Variants in TRIO observed in about 807,000 individuals in gnomAD.
TRIO encodes triple functional domain protein.
TRIO carries 58 observed loss-of-function variants against 351.9 expected under a neutral mutation model. The ratio of observed to expected loss-of-function variants is 0.16; its 90% confidence interval spans 0.13 to 0.21. The LOEUF is 0.21. Among genes scored for constraint, TRIO ranks in the 10% least tolerant of loss-of-function variants. The pLI, the probability that TRIO is intolerant of heterozygous loss-of-function variation, is 1.00. For missense variants in TRIO, 3,201 were observed against 4,027.8 expected (o/e 0.79, Z 5.56); for synonymous variants, 1,758 against 1,595.7 (o/e 1.10, Z -2.42).
rs548353959 is a variant in TRIO, at chr5:14,374,931, A to G, written c.3331+588A>G. Among the ~76,000 whole-genome samples the G allele has an allele frequency of 5.3e-5, 8 of 152,292 alleles. No homozygotes were observed. The South Asian group carries it at 1.5e-3, about 28-fold the overall frequency. ...TAGGATTGATGTGGAAGGAAAATGG[A>G]TAAAGAAACTAAGGCACAAAGCAAG... On this transcript the variant is annotated intron_variant, in intron 19 of 56. Coordinates refer to ENST00000344204, the MANE Select transcript of TRIO (RefSeq NM_007118.4).
At chr5:14,455,412 A>G (rs1753208924) in intron 34 of TRIO, among the ~76,000 whole-genome samples, 1 of 151,994 alleles carries the variant, frequency 6.6e-6, no homozygotes, top group South Asian at 2.1e-4. Context: ...TCCCCACTAG[A>G]TTAACTAGAC....
intron 55 of TRIO, among the ~76,000 whole-genome samples, chr5:14,506,525 A>T (rs1757698373): frequency 1.3e-5 from 2 of 152,212 alleles, no homozygotes; most frequent in African/African-American, 4.8e-5. Flanking sequence ...AAATGGGTAC[A>T]CTAAGGCCCA....
Position 14,405,853 on chromosome 5 carries a change from C to T in TRIO, c.4722C>T (p.Ser1574=), listed in dbSNP as rs375014472. The T allele has an allele frequency of 6.2e-7, 1 of 1,613,754 alleles. No homozygotes were observed. The highest frequency in any genetic ancestry group is 8.5e-7 in the Non-Finnish European group (1 of 1,179,868). ...TSDNKIVLKA[S]SIENKQDWIK... Reference sequence around the variant, plus strand: ...AACGCTAACACCTTGTTAAGGCTTCCAGCATAGAGAACAAGCAGGACTGGA... The same window carrying T: ...AACGCTAACACCTTGTTAAGGCTTCTAGCATAGAGAACAAGCAGGACTGGA... The change falls in exon 32 of 57, where the codon TCC becomes TCT. Residue 1574 remains serine, a synonymous_variant. Coordinates refer to ENST00000344204, the MANE Select transcript of TRIO (RefSeq NM_007118.4).
intron 8 of TRIO, among the ~76,000 whole-genome samples, chr5:14,316,209 T>C (rs1208937273): frequency 6.6e-6 from 1 of 152,242 alleles, no homozygotes; most frequent in Non-Finnish European, 1.5e-5. Flanking sequence ...TGCCTATTCA[T>C]TGAGTGGTAT....
At chr5:14,167,460 A>C (rs1333023632) in intron 1 of TRIO, among the ~76,000 whole-genome samples, 1 of 152,162 alleles carries the variant, frequency 6.6e-6, no homozygotes, top group Non-Finnish European at 1.5e-5. Flanking sequence ...AGGCCAACCC[A>C]GTTTTTCATA....
chr5:14,259,966 A>G (rs143027526), intron 1 of TRIO, among the ~76,000 whole-genome samples: 1 of 152,332 alleles, frequency 6.6e-6, no homozygotes, highest in East Asian at 1.9e-4. Context: ...TTCAGAGAAG[A>G]AGGAACAAAG....
chr5:14,363,203 T>C (rs1384793238), intron 13 of TRIO, among the ~76,000 whole-genome samples: 1 of 152,156 alleles, frequency 6.6e-6, no homozygotes, highest in Non-Finnish European at 1.5e-5. Context: ...TTTTGCCATG[T>C]TGACCAAGCT....
At position 14,290,895 on chromosome 5, in the gene TRIO, C is replaced by T; in HGVS notation, c.720C>T (p.Ile240=). 1.2e-6 allele frequency: 2 copies of T among 1,614,090 alleles called. No individual in the cohort carries two copies. Among genetic ancestry groups the T allele is most frequent in the South Asian group, 1.1e-5 (1 of 91,072 alleles). ...MLSRLEELQD[I]LAKKELPQDL... ...CTCGGCTGGAGGAACTTCAGGACAT[C>T]CTAGCTAAGAAGGAGCTGCCTCAGG... is the stretch of plus-strand genomic sequence containing the variant. Residue 240 remains isoleucine, a synonymous_variant, in exon 5 of 57, where the codon ATC becomes ATT. Transcript: ENST00000344204.
At chr5:14,455,001 C>G (rs1216107070) in intron 34 of TRIO, among the ~76,000 whole-genome samples, 1 of 149,492 alleles carries the variant, frequency 6.7e-6, no homozygotes, top group Non-Finnish European at 1.5e-5. Flanking sequence ...TATCTCTTGT[C>G]CAGAGTTGTT....
At chr5:14,260,090 C>T (rs1455584697) in intron 1 of TRIO, among the ~76,000 whole-genome samples, 2 of 152,198 alleles carry the variant, frequency 1.3e-5, no homozygotes, top group Non-Finnish European at 2.9e-5. Context: ...GAACATGTTA[C>T]TTACGTTATT....
chr5:14,196,682 C>T (rs1298702335), intron 1 of TRIO, among the ~76,000 whole-genome samples: 1 of 152,142 alleles, frequency 6.6e-6, no homozygotes, highest in Admixed American at 6.5e-5. Context: ...GCACCTGGTG[C>T]CTGCGAAGTT....
chr5:14,291,788 T>TAAAAAAAAAAAAAAAAAAAAAA (rs57424190), intron 5 of TRIO, among the ~76,000 whole-genome samples: 1 of 101,018 alleles, frequency 9.9e-6, no homozygotes, highest in Non-Finnish European at 1.9e-5. Flanking sequence ...GACTCCGTCT[T>TAAAAAAAAAAAAAAAAAAAAAA]AAAAAAAAAA....
At chr5:14,314,768 A>G (rs551770543) in intron 8 of TRIO, among the ~76,000 whole-genome samples, 4 of 152,350 alleles carry the variant, frequency 2.6e-5, no homozygotes, top group African/African-American at 9.6e-5. Flanking sequence ...AAATCTTTGC[A>G]TCAGCAATGT....
intron 49 of TRIO, among the ~76,000 whole-genome samples, chr5:14,494,816 T>C (rs924442597): frequency 6.6e-6 from 1 of 152,206 alleles, no homozygotes; most frequent in Non-Finnish European, 1.5e-5. Context: ...GGAGAATTGC[T>C]TGAACCCTGG....
chr5:14,275,258 T>G (rs1431516883), intron 2 of TRIO, among the ~76,000 whole-genome samples: 1 of 152,230 alleles, frequency 6.6e-6, no homozygotes, highest in Non-Finnish European at 1.5e-5. Context: ...CTACCAAATG[T>G]AATTTAGTAT....
chr5:14,349,237 G>C (rs1236070750), intron 11 of TRIO, among the ~76,000 whole-genome samples: 1 of 146,646 alleles, frequency 6.8e-6, no homozygotes, highest in Non-Finnish European at 1.5e-5. Context: ...CTGTGTGTTT[G>C]TGTGTGCACA....
At chr5:14,370,446 A>G (rs1745004927) in intron 18 of TRIO, among the ~76,000 whole-genome samples, 1 of 152,106 alleles carries the variant, frequency 6.6e-6, no homozygotes. Flanking sequence ...ATCACCACCC[A>G]GACCCATTAA....
At chr5:14,248,428 T>C (rs1224117856) in intron 1 of TRIO, among the ~76,000 whole-genome samples, 1 of 152,250 alleles carries the variant, frequency 6.6e-6, no homozygotes, top group Non-Finnish European at 1.5e-5. Context: ...ATTAGGAAAG[T>C]AAAATAAAGT....
chr5:14,378,225 C>G, intron 20 of TRIO, 98 bp downstream of exon 20: 1 of 887,498 alleles, frequency 1.1e-6, no homozygotes, highest in Middle Eastern at 3.3e-4. Flanking sequence ...ATCTTGAAAA[C>G]CACTTTCTAA....
Sources: gnomAD v4.1 joint callset for allele counts (sites outside exome capture counted in the v4.1 genomes callset) on GRCh38, gnomAD v4.1.1 for gene constraint, MANE v1.5 for transcripts, NCBI Gene and HGNC (gene_info 2026-07-23, HGNC 2026-07-21) for gene names.